The following CHST11 variants were observed in gnomAD, a reference collection of about 807,000 sequenced individuals.
The protein encoded by CHST11 is C4S-1.
In CHST11, 9 loss-of-function variants were observed where a neutral mutation model predicts 30.4. The ratio of observed to expected loss-of-function variants is 0.30; its 90% confidence interval spans 0.18 to 0.52. CHST11 has a LOEUF of 0.52. Among genes scored for constraint, CHST11 ranks in the 20% least tolerant of loss-of-function variants. The pLI is 0.97. For synonymous variants in CHST11, 152 were observed against 187.8 expected (o/e 0.81, Z 1.56); for missense variants, 348 against 460.6 (o/e 0.76, Z 2.24).
intron 1 of CHST11, among the ~76,000 whole-genome samples, chr12:104,471,353 TC>T (rs2037507470): frequency 6.6e-6 from 1 of 152,084 alleles, no homozygotes. Context: ...AAGAAGAAAA[TC>T]CCCCTTTTTG....
chr12:104,597,111 C>G (rs1446251068), intron 1 of CHST11, among the ~76,000 whole-genome samples: 1 of 152,206 alleles, frequency 6.6e-6, no homozygotes, highest in African/African-American at 2.4e-5. Flanking sequence ...TGAGCCAGCT[C>G]TCCGTGGGCT....
intron 2 of CHST11, among the ~76,000 whole-genome samples, chr12:104,687,940 G>T (rs1351748624): frequency 6.6e-6 from 1 of 152,188 alleles, no homozygotes; most frequent in East Asian, 1.9e-4. Flanking sequence ...GGTGGCGGTT[G>T]TTATTCTGTG....
intron 2 of CHST11, among the ~76,000 whole-genome samples, chr12:104,750,472 C>T (rs1424649185): frequency 1.2e-4 from 7 of 58,566 alleles, no homozygotes; most frequent in East Asian, 5.4e-4. Context: ...GACTGAGTCT[C>T]GCTCTGTCAC....
intron 2 of CHST11, among the ~76,000 whole-genome samples, chr12:104,687,265 T>G (rs950382773): frequency 2.6e-5 from 4 of 152,276 alleles, no homozygotes; most frequent in Non-Finnish European, 2.9e-5. Context: ...CTCATTTGGG[T>G]GGTCAAGCCA....
chr12:104,666,797 G>A (rs1592826963), intron 2 of CHST11, among the ~76,000 whole-genome samples: 1 of 152,272 alleles, frequency 6.6e-6, no homozygotes, highest in Non-Finnish European at 1.5e-5. Context: ...CATCAGAGAG[G>A]CGGGGCAAGG....
At chr12:104,519,721 T>A (rs1196210135) in intron 1 of CHST11, among the ~76,000 whole-genome samples, 1 of 152,190 alleles carries the variant, frequency 6.6e-6, no homozygotes, top group East Asian at 1.9e-4. Flanking sequence ...GCATTTTGCA[T>A]GATAGCCTGT....
chr12:104,513,138 T>TGGGGGGGGGGGGGGGGGGGGGGGGGGGG (rs1565969843), intron 1 of CHST11, among the ~76,000 whole-genome samples: 1 of 3,334 alleles, frequency 3.0e-4, no homozygotes, highest in African/African-American at 1.4e-3. Context: ...GGGGGGGGGG[T>TGGGGGGGGGGGGGGGGGGGGGGGGGGGG]TGGGGGTGGG....
intron 2 of CHST11, among the ~76,000 whole-genome samples, chr12:104,662,344 G>T (rs927596827): frequency 6.6e-6 from 1 of 152,122 alleles, no homozygotes; most frequent in Non-Finnish European, 1.5e-5. Context: ...CCTACCTCGT[G>T]GGGTGGTTGT....
chr12:104,551,576 G>T (rs779446892), intron 1 of CHST11, among the ~76,000 whole-genome samples: 3 of 152,120 alleles, frequency 2.0e-5, no homozygotes, highest in Non-Finnish European at 2.9e-5. Flanking sequence ...CTGTGCCAGT[G>T]TAACTTAGAA....
chr12:104,529,503 T>G (rs557715936), intron 1 of CHST11, among the ~76,000 whole-genome samples: 1 of 152,168 alleles, frequency 6.6e-6, no homozygotes, highest in Non-Finnish European at 1.5e-5. Flanking sequence ...AATGATGACT[T>G]TAAAAAGATG....
At chr12:104,745,365 G>A (rs1212030184) in intron 2 of CHST11, among the ~76,000 whole-genome samples, 1 of 152,124 alleles carries the variant, frequency 6.6e-6, no homozygotes, top group East Asian at 1.9e-4. Flanking sequence ...TAGCAAGTAG[G>A]GTAGCTGATG....
At chr12:104,495,670 A>C (rs1404527474) in intron 1 of CHST11, among the ~76,000 whole-genome samples, 1 of 152,180 alleles carries the variant, frequency 6.6e-6, no homozygotes, top group African/African-American at 2.4e-5. Context: ...ATCTTGCATG[A>C]CTTAATTCTC....
At position 104,472,130 on chromosome 12, in the gene CHST11, A is replaced by AT. The variant is rs112682461; in HGVS notation, c.118+14611dup. On this transcript the variant is annotated intron_variant, in intron 1 of 2. Transcript: ENST00000303694. ...CACCATCACACTTAGCTAATTTTTG[A>AT]TTTTTTTTTTCTTTTTTTTTTTTTT... Among the ~76,000 whole-genome samples, 66 of 142,568 alleles carry AT rather than the reference A, an allele frequency of 4.6e-4. 1 individual carries two copies. Among genetic ancestry groups the AT allele is most frequent in the African/African-American group, 1.3e-3 (50 of 38,754 alleles). 93.5% of individuals were successfully genotyped at this position (142,568 alleles called of 152,430 possible). A position where few individuals can be genotyped will look rare whatever the true frequency, so the allele number is the denominator to read the frequency against.
chr12:104,737,652 G>A (rs762586712), intron 2 of CHST11, among the ~76,000 whole-genome samples: 24 of 152,122 alleles, frequency 1.6e-4, no homozygotes, highest in Non-Finnish European at 2.6e-4. Context: ...TGCCTTCCTC[G>A]GGGCAGTGGA....
At chr12:104,627,093 T>A (rs917009923) in intron 2 of CHST11, among the ~76,000 whole-genome samples, 1 of 152,196 alleles carries the variant, frequency 6.6e-6, no homozygotes, top group Non-Finnish European at 1.5e-5. Flanking sequence ...TGGAATACAA[T>A]ATGTAGCCTT....
At chr12:104,555,215 G>C (rs748904135) in intron 1 of CHST11, among the ~76,000 whole-genome samples, 1 of 152,198 alleles carries the variant, frequency 6.6e-6, no homozygotes, top group African/African-American at 2.4e-5. Flanking sequence ...TTGCTCTCTA[G>C]AGAAAGGGCA....
chr12:104,674,090 A>G (rs749965163), intron 2 of CHST11, among the ~76,000 whole-genome samples: 51 of 152,238 alleles, frequency 3.4e-4, no homozygotes, highest in Non-Finnish European at 6.9e-4. Context: ...ATAAGGCTGT[A>G]CATTTCAGAC....
At chr12:104,686,284 T>C (rs895920798) in intron 2 of CHST11, among the ~76,000 whole-genome samples, 4 of 150,620 alleles carry the variant, frequency 2.7e-5, no homozygotes, top group Non-Finnish European at 5.9e-5. Flanking sequence ...GACCTGACTT[T>C]TCCTAGGAGT....
intron 1 of CHST11, among the ~76,000 whole-genome samples, chr12:104,555,196 C>A (rs2038443856): frequency 1.3e-5 from 2 of 152,112 alleles, no homozygotes; most frequent in African/African-American, 4.8e-5. Flanking sequence ...GTTGTGCACA[C>A]CTTGTGGCTT....
Sources: allele counts gnomAD v4.1 joint callset (sites outside exome capture counted in the v4.1 genomes callset), GRCh38; gene constraint gnomAD v4.1.1; transcripts MANE v1.5; gene names NCBI Gene and HGNC (gene_info 2026-07-23, HGNC 2026-07-21).